CNTNAP2: variants seen among roughly 807,000 people sequenced by gnomAD.
The protein encoded by CNTNAP2 is contactin-associated protein-like 2.
In CNTNAP2, 98 loss-of-function variants were observed where a neutral mutation model predicts 155.2. The ratio of observed to expected loss-of-function variants is 0.63; its 90% confidence interval spans 0.54 to 0.75. The LOEUF (loss-of-function observed/expected upper bound fraction) is 0.75. Ranked by LOEUF, CNTNAP2 falls within the 30% of genes least tolerant of loss-of-function variation. The probability of loss-of-function intolerance (pLI) is 0.00; values close to 1 mark genes in which losing one functional copy is unlikely to be tolerated. For synonymous variants in CNTNAP2, 651 were observed against 631.2 expected (o/e 1.03, Z -0.47); for missense variants, 1,727 against 1,688.1 (o/e 1.02, Z -0.40).
chr7:148,162,971 C>T (rs1007877761), intron 17 of CNTNAP2, among the ~76,000 whole-genome samples: 17 of 152,182 alleles, frequency 1.1e-4, no homozygotes, highest in African/African-American at 3.9e-4. Context: ...CTGCACTCGG[C>T]CTGAGCCAAA....
intron 1 of CNTNAP2, among the ~76,000 whole-genome samples, chr7:146,620,770 A>G (rs1409482303): frequency 6.6e-6 from 1 of 152,138 alleles, no homozygotes; most frequent in Non-Finnish European, 1.5e-5. Context: ...AGGACTGTTC[A>G]TTATTATTAA....
intron 13 of CNTNAP2, among the ~76,000 whole-genome samples, chr7:147,831,151 T>C (rs1240875542): frequency 6.6e-6 from 1 of 152,210 alleles, no homozygotes; most frequent in Non-Finnish European, 1.5e-5. Context: ...TAAAGCTGTA[T>C]ATGTTATGCC....
At chr7:147,871,573 TACAA>T (rs1799326691) in intron 13 of CNTNAP2, among the ~76,000 whole-genome samples, 1 of 152,050 alleles carries the variant, frequency 6.6e-6, no homozygotes, top group African/African-American at 2.4e-5. Context: ...CTACAGCCAT[TACAA>T]CCGGCTTGGC....
chr7:147,281,370 C>T (rs1353006665), intron 8 of CNTNAP2, among the ~76,000 whole-genome samples: 2 of 151,716 alleles, frequency 1.3e-5, no homozygotes, highest in Non-Finnish European at 2.9e-5. Flanking sequence ...TTTTAAAAGA[C>T]AATATGTATA....
intron 4 of CNTNAP2, among the ~76,000 whole-genome samples, chr7:147,078,109 A>T (rs73740573): frequency 6.6e-6 from 1 of 152,178 alleles, no homozygotes; most frequent in Non-Finnish European, 1.5e-5. Flanking sequence ...AATTAAGTAG[A>T]TTGATAGATA....
At chr7:147,476,795 G>T (rs1020339980) in intron 10 of CNTNAP2, among the ~76,000 whole-genome samples, 4 of 152,042 alleles carry the variant, frequency 2.6e-5, no homozygotes, top group Non-Finnish European at 4.4e-5. Context: ...AGGTGTGGTG[G>T]CAGGCACCTG....
intron 9 of CNTNAP2, among the ~76,000 whole-genome samples, chr7:147,314,810 C>G (rs1795196516): frequency 6.6e-6 from 1 of 150,492 alleles, no homozygotes; most frequent in Non-Finnish European, 1.5e-5. Flanking sequence ...GGGGAATTGC[C>G]CCTAGTAAAT....
chr7:147,865,260 C>G (rs1173171392), intron 13 of CNTNAP2, among the ~76,000 whole-genome samples: 2 of 152,196 alleles, frequency 1.3e-5, no homozygotes, highest in African/African-American at 4.8e-5. Flanking sequence ...ACCAGCCTTG[C>G]ATCCCAGGGA....
chr7:147,473,481 T>C (rs1468598293), intron 10 of CNTNAP2, among the ~76,000 whole-genome samples: 1 of 152,118 alleles, frequency 6.6e-6, no homozygotes, highest in Non-Finnish European at 1.5e-5. Context: ...TGTGTAATTG[T>C]GTCGAGGGTC....
chr7:146,398,301 G>A (rs1219734618), intron 1 of CNTNAP2, among the ~76,000 whole-genome samples: 1 of 151,070 alleles, frequency 6.6e-6, no homozygotes, highest in Non-Finnish European at 1.5e-5. Flanking sequence ...GAAGGAATCA[G>A]GGAACTTATA....
intron 4 of CNTNAP2, among the ~76,000 whole-genome samples, chr7:147,084,415 AT>A (rs1003896390): frequency 4.7e-5 from 6 of 126,802 alleles, no homozygotes; most frequent in Non-Finnish European, 8.0e-5. Context: ...TAATACATAT[AT>A]GCATAATGCT....
At chr7:147,492,131 G>C (rs762484793) in intron 11 of CNTNAP2, among the ~76,000 whole-genome samples, 1 of 152,174 alleles carries the variant, frequency 6.6e-6, no homozygotes, top group Non-Finnish European at 1.5e-5. Context: ...CAGGGTGGGG[G>C]AAGTGGGTAA....
At chr7:147,028,116 A>T (rs1393177142) in intron 3 of CNTNAP2, among the ~76,000 whole-genome samples, 1 of 152,206 alleles carries the variant, frequency 6.6e-6, no homozygotes, top group African/African-American at 2.4e-5. Flanking sequence ...CTTGTCCAAG[A>T]ATACAAATGG....
At chr7:147,542,895 A>G (rs1799665342) in intron 11 of CNTNAP2, among the ~76,000 whole-genome samples, 1 of 152,142 alleles carries the variant, frequency 6.6e-6, no homozygotes, top group Admixed American at 6.5e-5. Context: ...TCTTTTCTTA[A>G]AGAGAGATTC....
At chr7:148,297,876 T>C (rs1797312561) in intron 21 of CNTNAP2, among the ~76,000 whole-genome samples, 1 of 152,140 alleles carries the variant, frequency 6.6e-6, no homozygotes. Context: ...TGTTGAGTTC[T>C]GTGAAATGGA....
intron 1 of CNTNAP2, among the ~76,000 whole-genome samples, chr7:146,384,360 G>A (rs10246857): frequency 0.092 from 13,965 of 152,122 alleles, 704 homozygotes; most frequent in Middle Eastern, 0.14. Flanking sequence ...ATTTGATCAA[G>A]CAGTGAAGAT....
Position 147,236,579 on chromosome 7 carries a change from G to GT in CNTNAP2, c.1349-63562_1349-63561insT, listed in dbSNP as rs551008221. Among the ~76,000 whole-genome samples the GT allele has an allele frequency of 5.2e-4, 77 of 148,914 alleles. 1 individual carries two copies. The highest frequency in any genetic ancestry group is 1.8e-3 in the African/African-American group (74 of 40,530). On this transcript the variant is annotated intron_variant, in intron 8 of 23. Coordinates refer to ENST00000361727, the MANE Select transcript of CNTNAP2 (RefSeq NM_014141.6). ...CTTCAATTTTTTTTTCTTTTTGGTT[G>GT]GTTTTTTTTTTCTTTTTTAAATCTT...
chr7:146,925,572 TAGTG>T (rs1158288329), intron 3 of CNTNAP2, among the ~76,000 whole-genome samples: 2 of 152,084 alleles, frequency 1.3e-5, no homozygotes, highest in Admixed American at 6.6e-5. Context: ...ATTTGATCAT[TAGTG>T]AGGGAGGAAG....
chr7:146,211,320 T>G (rs1799031484), intron 1 of CNTNAP2, among the ~76,000 whole-genome samples: 3 of 152,212 alleles, frequency 2.0e-5, no homozygotes, highest in Admixed American at 2.0e-4. Context: ...GGTGTAATTT[T>G]GTAGCTAAAG....
Sources: gnomAD v4.1 joint callset for allele counts (sites outside exome capture counted in the v4.1 genomes callset) on GRCh38, gnomAD v4.1.1 for gene constraint, MANE v1.5 for transcripts, NCBI Gene and HGNC (gene_info 2026-07-23, HGNC 2026-07-21) for gene names.